Variants in CNTN4 observed in about 807,000 individuals in gnomAD.
The protein encoded by CNTN4 is contactin 4, also known as contactin-4.
In CNTN4, 77 loss-of-function variants were observed where a neutral mutation model predicts 122.5. The observed-to-expected ratio is 0.63, with a 90% CI of 0.52 to 0.76. The LOEUF (loss-of-function observed/expected upper bound fraction) is 0.76. Ranked by LOEUF, CNTN4 falls within the 30% of genes least tolerant of loss-of-function variation. The probability of loss-of-function intolerance (pLI) is 0.00; values close to 1 mark genes in which losing one functional copy is unlikely to be tolerated. For missense variants in CNTN4, 1,256 were observed against 1,259.1 expected (o/e 1.00, Z 0.04); for synonymous variants, 512 against 447.0 (o/e 1.15, Z -1.83).
At chr3:2,546,316 T>C (rs2078243397) in intron 3 of CNTN4, among the ~76,000 whole-genome samples, 1 of 138,842 alleles carries the variant, frequency 7.2e-6, no homozygotes, top group East Asian at 2.0e-4. Flanking sequence ...AATAGAATAC[T>C]ATGCAGCCAA....
At chr3:2,654,496 C>A (rs1194888102) in intron 4 of CNTN4, among the ~76,000 whole-genome samples, 2 of 152,134 alleles carry the variant, frequency 1.3e-5, no homozygotes, top group Non-Finnish European at 2.9e-5. Context: ...CTTTTATATA[C>A]CGTGTTTCTC....
chr3:2,353,691 G>A (rs775848358), intron 3 of CNTN4, among the ~76,000 whole-genome samples: 14 of 152,208 alleles, frequency 9.2e-5, no homozygotes, highest in African/African-American at 2.2e-4. Flanking sequence ...TGAAGTCAGC[G>A]AGACCAAGAA....
intron 2 of CNTN4, among the ~76,000 whole-genome samples, chr3:2,335,020 A>G (rs892578334): frequency 1.1e-4 from 17 of 152,094 alleles, no homozygotes; most frequent in African/African-American, 3.6e-4. Flanking sequence ...GCATCTAACT[A>G]TTTGCTATTA....
chr3:2,404,149 TG>T (rs1316249879), intron 3 of CNTN4, among the ~76,000 whole-genome samples: 2 of 152,188 alleles, frequency 1.3e-5, no homozygotes, highest in Non-Finnish European at 2.9e-5. Flanking sequence ...TTTCTAGTGC[TG>T]CTCTAATGAA....
In CNTN4 at chr3:2,392,442, A is replaced by G. The variant is rs1185011950; in HGVS notation, c.-89+53209A>G. ...CTCATTATGCCTTGTTACCAGATGA[A>G]AAATATGCACACAGTCTTCATGTTC... On this transcript the variant is annotated intron_variant, in intron 3 of 24. Coordinates refer to ENST00000418658, the MANE Select transcript of CNTN4 (RefSeq NM_175607.3). 3.9e-5 allele frequency among the ~76,000 whole-genome samples: 6 copies of G among 152,316 alleles called. No individual in the cohort carries two copies. In the East Asian group the frequency reaches 1.2e-3, roughly 29 times the overall value.
intron 3 of CNTN4, among the ~76,000 whole-genome samples, chr3:2,390,534 A>AT (rs1329423297): frequency 6.6e-6 from 1 of 152,190 alleles, no homozygotes; most frequent in African/African-American, 2.4e-5. Context: ...TACAAGTTGA[A>AT]TTGATATGAA....
chr3:2,407,892 G>T (rs928849849), intron 3 of CNTN4, among the ~76,000 whole-genome samples: 2 of 152,082 alleles, frequency 1.3e-5, no homozygotes, highest in Non-Finnish European at 2.9e-5. Flanking sequence ...TAAATTGTTG[G>T]CAGCCATACT....
chr3:2,206,663 A>C (rs1364704139), intron 2 of CNTN4, among the ~76,000 whole-genome samples: 1 of 152,094 alleles, frequency 6.6e-6, no homozygotes, highest in Non-Finnish European at 1.5e-5. Context: ...GACTGACTCG[A>C]GTAATGAAAT....
In CNTN4 at chr3:2,428,447, T is replaced by A. The variant is rs558975581; in HGVS notation, c.-89+89214T>A. Among the ~76,000 whole-genome samples, 234 of 152,342 alleles carry A rather than the reference T, an allele frequency of 1.5e-3. 1 individual carries two copies. Among genetic ancestry groups the A allele is most frequent in the African/African-American group, 5.4e-3 (223 of 41,584 alleles). Reference sequence around the variant, plus strand: ...GAGTTTCTGCCGAGAGATCAGCTGTTAGTCTGATGGGCTTCTCTTAGCGGG... The same window carrying A: ...GAGTTTCTGCCGAGAGATCAGCTGTAAGTCTGATGGGCTTCTCTTAGCGGG... On this transcript the variant is annotated intron_variant, in intron 3 of 24. Transcript: ENST00000418658.
At chr3:2,498,785 T>G (rs2076519740) in intron 3 of CNTN4, among the ~76,000 whole-genome samples, 1 of 152,168 alleles carries the variant, frequency 6.6e-6, no homozygotes, top group South Asian at 2.1e-4. Flanking sequence ...ATTTTTCCTC[T>G]TATTGATGGT....
At chr3:2,303,789 C>A (rs1455378148) in intron 2 of CNTN4, among the ~76,000 whole-genome samples, 1 of 152,130 alleles carries the variant, frequency 6.6e-6, no homozygotes, top group Non-Finnish European at 1.5e-5. Context: ...GTCCCACAGG[C>A]GCCTCTGATT....
At chr3:2,380,236 T>C (rs2045967296) in intron 3 of CNTN4, among the ~76,000 whole-genome samples, 1 of 152,218 alleles carries the variant, frequency 6.6e-6, no homozygotes, top group Non-Finnish European at 1.5e-5. Context: ...AAAGCAGCCC[T>C]TCCTTTTTAT....
At chr3:2,393,700 T>C (rs72996051) in intron 3 of CNTN4, among the ~76,000 whole-genome samples, 28,754 of 152,154 alleles carry the variant, frequency 0.19, 3,432 homozygotes, top group Non-Finnish European at 0.27. Flanking sequence ...CAAGTATTTC[T>C]GTCTTCATCA....
In CNTN4 at chr3:3,056,176, A is replaced by G. The variant is rs369939655; in HGVS notation, c.3037A>G (p.Ile1013Val). The change falls in exon 25 of 25, where the codon ATC (isoleucine) becomes GTC (valine). Residue 1013 changes from isoleucine (I) to valine (V), a missense_variant. By Grantham distance (29) the Ile-to-Val change is conservative (BLOSUM62 3). Coordinates refer to ENST00000418658, the MANE Select transcript of CNTN4 (RefSeq NM_175607.3). The part of the protein sequence containing the change: ...STSNACTLSA[I>V]STIMISLTAR... ...TTCGAATGCATGTACGCTGTCAGCC[A>G]TCAGTACAATAATGATTTCCCTCAC... 3.1e-6 allele frequency: 5 copies of G among 1,614,052 alleles called. No individual in the cohort carries two copies. The highest frequency in any genetic ancestry group is 4.2e-6 in the Non-Finnish European group (5 of 1,179,990).
At chr3:2,204,518 TA>T (rs1278081238) in intron 2 of CNTN4, among the ~76,000 whole-genome samples, 2 of 152,188 alleles carry the variant, frequency 1.3e-5, no homozygotes, top group Admixed American at 1.3e-4. Context: ...TTAAGCAAAG[TA>T]AAACTTCTGA....
Position 2,275,928 on chromosome 3 carries a change from A to AC in CNTN4, c.-144-63250_-144-63249insC, listed in dbSNP as rs1285481507. Reference sequence around the variant, plus strand: ...GAGCCAGACTCTGTCTCAAAAAAAAAAAAAAAAAACAAAAAAAAATATTAA... The same window carrying AC: ...GAGCCAGACTCTGTCTCAAAAAAAAACAAAAAAAAACAAAAAAAAATATTAA... On this transcript the variant is annotated intron_variant, in intron 2 of 24. Transcript: ENST00000418658. Among the ~76,000 whole-genome samples, 9 of 102,782 alleles carry AC rather than the reference A, an allele frequency of 8.8e-5. No homozygotes were observed. In the East Asian group the frequency reaches 1.4e-3, roughly 16 times the overall value. 67.4% of individuals were successfully genotyped at this position (102,782 alleles called of 152,430 possible). A position where few individuals can be genotyped will look rare whatever the true frequency, so the allele number is the denominator to read the frequency against.
intron 14 of CNTN4, among the ~76,000 whole-genome samples, chr3:3,011,226 C>T (rs1046396118): frequency 2.6e-5 from 4 of 152,282 alleles, no homozygotes; most frequent in African/African-American, 7.2e-5. Context: ...TTTTCTCAGA[C>T]CTTTCATGTC....
intron 3 of CNTN4, among the ~76,000 whole-genome samples, chr3:2,472,219 T>TTTG (rs751262935): frequency 2.0e-5 from 3 of 151,772 alleles, no homozygotes; most frequent in East Asian, 1.9e-4. Flanking sequence ...GTGCTTTTCT[T>TTTG]TTGTTGTTGT....
chr3:2,863,955 G>A (rs1231010171), intron 7 of CNTN4, among the ~76,000 whole-genome samples: 1 of 152,176 alleles, frequency 6.6e-6, no homozygotes, highest in Non-Finnish European at 1.5e-5. Flanking sequence ...GGCACTTCCG[G>A]TTGTTTGCAT....
Sources: allele counts gnomAD v4.1 joint callset (sites outside exome capture counted in the v4.1 genomes callset), GRCh38; gene constraint gnomAD v4.1.1; transcripts MANE v1.5; gene names NCBI Gene and HGNC (gene_info 2026-07-23, HGNC 2026-07-21).